Variants in CNTN5 observed in about 807,000 individuals in gnomAD.
CNTN5 encodes the protein contactin 5, also known as contactin-5.
In CNTN5, 77 loss-of-function variants were observed where a neutral mutation model predicts 129.1. The observed-to-expected ratio is 0.60, with a 90% CI of 0.50 to 0.72. CNTN5 has a LOEUF of 0.72. Ranked by LOEUF, CNTN5 falls within the 30% of genes least tolerant of loss-of-function variation. The pLI is 0.00. For synonymous variants in CNTN5, 509 were observed against 465.6 expected (o/e 1.09, Z -1.20); for missense variants, 1,478 against 1,328.8 (o/e 1.11, Z -1.75).
chr11:99,044,226 T>C (rs1864114767), intron 1 of CNTN5, among the ~76,000 whole-genome samples: 1 of 152,194 alleles, frequency 6.6e-6, no homozygotes, highest in Non-Finnish European at 1.5e-5. Flanking sequence ...CTGCAAATCA[T>C]ATCTAAGTAT....
Position 99,931,594 on chromosome 11 carries a change from G to A in CNTN5, c.673+15445G>A, listed in dbSNP as rs537983215. On this transcript the variant is annotated intron_variant, in intron 7 of 24. Coordinates refer to ENST00000524871, the MANE Select transcript of CNTN5 (RefSeq NM_014361.4). Reference sequence around the variant, plus strand: ...ATCTTTATAGTCTACACAGAAAAATGTAAAAAATAATGGATCAAGAAAGCA... The same window carrying A: ...ATCTTTATAGTCTACACAGAAAAATATAAAAAATAATGGATCAAGAAAGCA... Among the ~76,000 whole-genome samples the A allele has an allele frequency of 5.9e-5, 9 of 152,268 alleles. No individual in the cohort carries two copies. In the East Asian group the frequency reaches 7.7e-4, roughly 13 times the overall value.
intron 1 of CNTN5, among the ~76,000 whole-genome samples, chr11:99,252,117 T>C (rs1433210944): frequency 6.6e-6 from 1 of 152,048 alleles, no homozygotes; most frequent in Non-Finnish European, 1.5e-5. Flanking sequence ...CTCTCTTCAC[T>C]TCTTACTTTT....
chr11:99,921,247 C>T (rs188302495), intron 7 of CNTN5, among the ~76,000 whole-genome samples: 4 of 152,306 alleles, frequency 2.6e-5, no homozygotes, highest in South Asian at 2.1e-4. Context: ...GGAGAACCCT[C>T]GCCATTTGCC....
chr11:99,209,652 A>G (rs914267898), intron 1 of CNTN5, among the ~76,000 whole-genome samples: 20 of 152,324 alleles, frequency 1.3e-4, no homozygotes, highest in Non-Finnish European at 2.6e-4. Context: ...CAACATATTT[A>G]TTCACTTTTC....
intron 3 of CNTN5, among the ~76,000 whole-genome samples, chr11:99,667,944 TAAAGC>T (rs1328515134): frequency 2.2e-5 from 2 of 91,962 alleles, no homozygotes; most frequent in East Asian, 3.3e-4. Context: ...TCCTGAAACT[TAAAGC>T]AAAAGAAAAA....
At chr11:99,191,655 A>G (rs1858649346) in intron 1 of CNTN5, among the ~76,000 whole-genome samples, 1 of 151,886 alleles carries the variant, frequency 6.6e-6, no homozygotes, top group East Asian at 1.9e-4. Flanking sequence ...AATCAATAAT[A>G]GAAGGAATTT....
intron 1 of CNTN5, among the ~76,000 whole-genome samples, chr11:99,310,522 CT>C (rs1283242457): frequency 3.9e-5 from 6 of 152,070 alleles, no homozygotes; most frequent in Admixed American, 6.6e-5. Context: ...CTTCTTTACC[CT>C]TTTATTTGTT....
Position 99,059,723 on chromosome 11 carries a change from C to G in CNTN5, c.-210+38453C>G, listed in dbSNP as rs1864796415. On this transcript the variant is annotated intron_variant, in intron 1 of 24. Transcript: ENST00000524871. ...TATTAATATTCCTATACTGTTTCAT[C>G]TTCTCTCATTAGTAATAATGCCATA... Among the ~76,000 whole-genome samples the G allele has an allele frequency of 2.0e-5, 3 of 152,020 alleles. 1 individual carries two copies. In the South Asian group the frequency reaches 6.2e-4, roughly 32 times the overall value.
At chr11:99,296,289 G>T (rs1012877929) in intron 1 of CNTN5, among the ~76,000 whole-genome samples, 1 of 152,104 alleles carries the variant, frequency 6.6e-6, no homozygotes, top group African/African-American at 2.4e-5. Flanking sequence ...TCAGCTGTGA[G>T]ATTATAAACC....
At chr11:100,050,757 A>G (rs1323655309) in intron 9 of CNTN5, among the ~76,000 whole-genome samples, 5 of 152,146 alleles carry the variant, frequency 3.3e-5, no homozygotes, top group Non-Finnish European at 7.4e-5. Context: ...AAAAACGTGT[A>G]CCATGCAAAT....
At chr11:99,700,447 C>A (rs1016837047) in intron 3 of CNTN5, among the ~76,000 whole-genome samples, 2 of 151,298 alleles carry the variant, frequency 1.3e-5, no homozygotes, top group Non-Finnish European at 3.0e-5. Flanking sequence ...TAGGAAATTA[C>A]ATTTAGACAA....
chr11:99,203,611 A>G (rs1231992173), intron 1 of CNTN5, among the ~76,000 whole-genome samples: 1 of 151,674 alleles, frequency 6.6e-6, no homozygotes, highest in Non-Finnish European at 1.5e-5. Flanking sequence ...TGGTGGTGGG[A>G]CAGAGTATCA....
chr11:99,389,763 G>T (rs1941152372), intron 2 of CNTN5, among the ~76,000 whole-genome samples: 1 of 152,042 alleles, frequency 6.6e-6, no homozygotes, highest in Non-Finnish European at 1.5e-5. Flanking sequence ...TTCCCCAAGT[G>T]GTAGGAATAA....
intron 1 of CNTN5, among the ~76,000 whole-genome samples, chr11:99,289,941 T>C (rs988175351): frequency 6.6e-6 from 1 of 151,816 alleles, no homozygotes; most frequent in African/African-American, 2.4e-5. Context: ...CTCGTGAACT[T>C]ACATTACTAA....
intron 3 of CNTN5, among the ~76,000 whole-genome samples, chr11:99,677,322 G>T (rs1255313214): frequency 6.6e-6 from 1 of 151,844 alleles, no homozygotes; most frequent in Non-Finnish European, 1.5e-5. Flanking sequence ...CATGTTCATG[G>T]GAGCTGTTTT....
At chr11:99,704,398 G>C (rs923940253) in intron 3 of CNTN5, among the ~76,000 whole-genome samples, 16 of 151,046 alleles carry the variant, frequency 1.1e-4, no homozygotes, top group Admixed American at 9.3e-4. Flanking sequence ...TTTGTGAATA[G>C]ACTTAAGTTG....
At chr11:99,528,168 A>T (rs1027053916) in intron 2 of CNTN5, among the ~76,000 whole-genome samples, 1 of 152,212 alleles carries the variant, frequency 6.6e-6, no homozygotes, top group Non-Finnish European at 1.5e-5. Context: ...AATGCTGGAA[A>T]AAATAATTTT....
intron 3 of CNTN5, among the ~76,000 whole-genome samples, chr11:99,672,948 A>G (rs538707565): frequency 6.6e-6 from 1 of 152,198 alleles, no homozygotes; most frequent in East Asian, 1.9e-4. Flanking sequence ...CATAGATGGT[A>G]GTAGGAGAGG....
chr11:99,547,852 A>G (rs1228548911), intron 2 of CNTN5, among the ~76,000 whole-genome samples: 3 of 152,230 alleles, frequency 2.0e-5, no homozygotes, highest in Non-Finnish European at 4.4e-5. Context: ...GGTTAAAGAC[A>G]TGGCTTCTGG....
Sources: gnomAD v4.1 joint callset for allele counts (sites outside exome capture counted in the v4.1 genomes callset) on GRCh38, gnomAD v4.1.1 for gene constraint, MANE v1.5 for transcripts, NCBI Gene and HGNC (gene_info 2026-07-23, HGNC 2026-07-21) for gene names.